Variants in ZBTB16 observed in about 807,000 individuals in gnomAD.
The protein encoded by ZBTB16 is zinc finger and BTB domain containing 16.
ZBTB16 carries 8 observed loss-of-function variants against 56.8 expected under a neutral mutation model. The observed-to-expected ratio is 0.14, with a 90% CI of 0.08 to 0.25. The LOEUF is 0.25. Ranked by LOEUF, ZBTB16 falls within the 10% of genes least tolerant of loss-of-function variation. The pLI is 1.00. For missense variants in ZBTB16, 625 were observed against 903.0 expected, an observed-to-expected ratio of 0.69 and a Z score of 3.95; for synonymous variants, 363 against 368.5, an observed-to-expected ratio of 0.98 and a Z score of 0.17.
chr11:114,143,427 AG>A lies in ZBTB16; in HGVS notation c.1269-12905del, dbSNP rs1018106043. 6.6e-6 allele frequency among the ~76,000 whole-genome samples: 1 copy of A among 151,888 alleles called. No individual in the cohort carries two copies. Among genetic ancestry groups the A allele is most frequent in the African/African-American group, 2.4e-5 (1 of 41,372 alleles). The stretch of plus-strand genomic sequence containing the variant: ...TTAAAAGACAGAGGCTGGGGGGGAA[AG>A]GGGGTCAGCTTTGAGAGGGGACAGA... On this transcript the variant is annotated intron_variant, in intron 2 of 6. Transcript: ENST00000335953. This position sits in a 1 kb window ranked among gnomAD's most constrained non-coding sequence, Gnocchi z 6.4.
intron 4 of ZBTB16, among the ~76,000 whole-genome samples, chr11:114,233,314 C>T (rs192231128): frequency 4.7e-4 from 72 of 151,960 alleles, no homozygotes; most frequent in Non-Finnish European, 8.4e-4. Flanking sequence ...CAGCTACTTC[C>T]CGGAATGTGG....
chr11:114,086,456 G>T (rs952503770), intron 2 of ZBTB16, among the ~76,000 whole-genome samples: 1 of 152,200 alleles, frequency 6.6e-6, no homozygotes, highest in Non-Finnish European at 1.5e-5. Flanking sequence ...CACCATTTGA[G>T]TATAAGCTCT....
At chr11:114,191,838 G>C (rs914005266) in intron 4 of ZBTB16, among the ~76,000 whole-genome samples, 3 of 152,132 alleles carry the variant, frequency 2.0e-5, no homozygotes, top group Admixed American at 1.3e-4. Context: ...TACACACACA[G>C]ATGTGCATTT....
chr11:114,256,029 T>C lies in ZBTB16; in HGVS notation c.*5474T>C, dbSNP rs991373339. Among the ~76,000 whole-genome samples the C allele has an allele frequency of 1.7e-5, 2 of 119,394 alleles. No individual in the cohort carries two copies. Among genetic ancestry groups the C allele is most frequent in the African/African-American group, 2.9e-5 (1 of 34,418 alleles). The allele number at this position is 119,394 out of a possible 152,430, so 78.3% of individuals were successfully genotyped here. A position where few individuals can be genotyped will look rare whatever the true frequency, so the allele number is the denominator to read the frequency against. On this transcript the variant is annotated 3_prime_UTR_variant, in exon 7 of 7. Transcript: ENST00000335953. ...AGTACTTGGTTTTGTTTTGTTTTTTTTTTTTGTTTTTTTTGCCTTTTCTTG... is the reference window on the plus strand; with the variant it reads ...AGTACTTGGTTTTGTTTTGTTTTTTCTTTTTGTTTTTTTTGCCTTTTCTTG...
intron 3 of ZBTB16, among the ~76,000 whole-genome samples, chr11:114,164,951 A>T (rs375964692): frequency 1.2e-3 from 174 of 149,648 alleles, no homozygotes; most frequent in African/African-American, 3.8e-3. Context: ...CCTTTTCTTG[A>T]CACTCCTGTG....
intron 4 of ZBTB16, among the ~76,000 whole-genome samples, chr11:114,196,850 T>C (rs1230390586): frequency 4.6e-5 from 7 of 152,156 alleles, no homozygotes; most frequent in Admixed American, 1.3e-4. Flanking sequence ...TCCAAAAATA[T>C]AGACCTTTTT....
At chr11:114,218,675 A>G (rs966458000) in intron 4 of ZBTB16, among the ~76,000 whole-genome samples, 8 of 152,206 alleles carry the variant, frequency 5.3e-5, no homozygotes, top group Non-Finnish European at 1.0e-4. Flanking sequence ...TTAAATTGAG[A>G]TATTAACTTC....
rs562188847 is a variant in ZBTB16, at chr11:114,060,821, A to G, written c.-91+939A>G. On this transcript the variant is annotated intron_variant, in intron 1 of 6. Transcript: ENST00000335953. The surrounding 1 kb of genome is among the most constrained non-coding windows in gnomAD (Gnocchi z 6.0). ...GCGCTGGCCGCTGGCGCCGCTGGCCAGAGGCCTGGGACCCAGCCGGTCGCT... is the reference window on the plus strand; with the variant it reads ...GCGCTGGCCGCTGGCGCCGCTGGCCGGAGGCCTGGGACCCAGCCGGTCGCT... Among the ~76,000 whole-genome samples the G allele has an allele frequency of 1.3e-5, 2 of 151,956 alleles. No individual in the cohort carries two copies. The highest frequency in any genetic ancestry group is 2.4e-5 in the African/African-American group (1 of 41,422).
chr11:114,242,907 C>T (rs186773945), intron 5 of ZBTB16, among the ~76,000 whole-genome samples: 3 of 152,288 alleles, frequency 2.0e-5, no homozygotes, highest in East Asian at 3.9e-4. Context: ...GGCATTTAAA[C>T]GATGAGCAAT....
intron 2 of ZBTB16, among the ~76,000 whole-genome samples, chr11:114,124,206 G>C (rs939841569): frequency 6.6e-6 from 1 of 152,026 alleles, no homozygotes; most frequent in African/African-American, 2.4e-5. Flanking sequence ...GCGGGGTCAG[G>C]GTAACTTATG....
intron 2 of ZBTB16, among the ~76,000 whole-genome samples, chr11:114,095,951 T>C (rs1430257220): frequency 6.6e-6 from 1 of 152,230 alleles, no homozygotes; most frequent in Non-Finnish European, 1.5e-5. Flanking sequence ...TTTCTCTCCC[T>C]GTAGGCTATA....
At chr11:114,241,299 A>G (rs961144932) in intron 4 of ZBTB16, among the ~76,000 whole-genome samples, 3 of 151,718 alleles carry the variant, frequency 2.0e-5, no homozygotes, top group Non-Finnish European at 1.5e-5. Flanking sequence ...AGGGTGTGTG[A>G]GTGTGAACCC....
intron 2 of ZBTB16, among the ~76,000 whole-genome samples, chr11:114,080,113 C>G (rs1939707702): frequency 6.6e-6 from 1 of 152,066 alleles, no homozygotes; most frequent in South Asian, 2.1e-4. Context: ...AGTAGGGAGG[C>G]CTGGGAGGCA....
intron 3 of ZBTB16, among the ~76,000 whole-genome samples, chr11:114,172,996 G>A (rs1052512840): frequency 1.2e-4 from 18 of 152,260 alleles, no homozygotes; most frequent in Admixed American, 3.9e-4. Context: ...TGTCAGTGCC[G>A]TAGTTGTAAT....
chr11:114,145,991 C>CA (rs1167347571), intron 2 of ZBTB16, among the ~76,000 whole-genome samples: 1 of 152,108 alleles, frequency 6.6e-6, no homozygotes, highest in Non-Finnish European at 1.5e-5. Context: ...AGGAAATCAA[C>CA]AAAATGCAAT....
At chr11:114,221,049 C>T (rs917138524) in intron 4 of ZBTB16, among the ~76,000 whole-genome samples, 1 of 152,182 alleles carries the variant, frequency 6.6e-6, no homozygotes, top group Non-Finnish European at 1.5e-5. Flanking sequence ...GGCATGATGG[C>T]CAACATTTCA....
chr11:114,204,035 G>A (rs192672711), intron 4 of ZBTB16, among the ~76,000 whole-genome samples: 18 of 152,256 alleles, frequency 1.2e-4, no homozygotes, highest in South Asian at 2.1e-4. Flanking sequence ...AGCAAGACAC[G>A]GATGGTATTG....
At position 114,255,332 on chromosome 11, in the gene ZBTB16, C is replaced by T. The variant is rs928452419; in HGVS notation, c.*4777C>T. Among the ~76,000 whole-genome samples the T allele has an allele frequency of 6.6e-6, 1 of 152,166 alleles. No individual in the cohort carries two copies. The highest frequency in any genetic ancestry group is 1.5e-5 in the Non-Finnish European group (1 of 68,036). ...GTTCTAGTTAATGTCTACCTCAGCA[C>T]CTCCTCTTAGCCTAATTTTAGGAGG... On this transcript the variant is annotated 3_prime_UTR_variant, in exon 7 of 7. Coordinates refer to ENST00000335953, the MANE Select transcript of ZBTB16 (RefSeq NM_006006.6).
intron 3 of ZBTB16, among the ~76,000 whole-genome samples, chr11:114,167,133 T>G (rs1372879700): frequency 2.0e-5 from 3 of 152,078 alleles, no homozygotes; most frequent in Admixed American, 6.6e-5. Flanking sequence ...TGCGGGTGTT[T>G]TAATGACTCA....
Sources: gnomAD v4.1 joint callset for allele counts (sites outside exome capture counted in the v4.1 genomes callset) on GRCh38, gnomAD v4.1.1 for gene constraint, Gnocchi (gnomAD v3.1) non-coding constraint, MANE v1.5 for transcripts, NCBI Gene and HGNC (gene_info 2026-07-23, HGNC 2026-07-21) for gene names.